CDH4: variants seen among roughly 807,000 people sequenced by gnomAD.
CDH4 encodes the protein cadherin-4.
CDH4 carries 33 observed loss-of-function variants against 86.0 expected under a neutral mutation model. That is an observed-to-expected ratio of 0.38 (90% CI 0.29 to 0.51). The LOEUF (loss-of-function observed/expected upper bound fraction) is 0.51, where lower values mean the gene tolerates loss of function less well. Ranked by LOEUF, CDH4 falls within the 20% of genes least tolerant of loss-of-function variation. CDH4 has a pLI of 0.86. For missense variants in CDH4, 1,114 were observed against 1,307.4 expected (o/e 0.85, Z 2.28); for synonymous variants, 555 against 549.4 (o/e 1.01, Z -0.14).
chr20:61,844,640 C>A (rs771244122), intron 4 of CDH4, 28 bp from the exon 5 acceptor site: 1 of 1,594,840 alleles, frequency 6.3e-7, no homozygotes, highest in African/African-American at 1.3e-5. Flanking sequence ...ACAGGATAAC[C>A]TCTTCTCGCT....
At chr20:61,934,587 G>A (rs184400935) in intron 15 of CDH4, among the ~76,000 whole-genome samples, 12 of 152,348 alleles carry the variant, frequency 7.9e-5, no homozygotes, top group African/African-American at 2.6e-4. Flanking sequence ...CGCACTTGGT[G>A]CTATGAGCCC....
At chr20:61,332,557 G>A (rs1480708710) in intron 2 of CDH4, among the ~76,000 whole-genome samples, 1 of 152,194 alleles carries the variant, frequency 6.6e-6, no homozygotes, top group African/African-American at 2.4e-5. Context: ...TGCCTTTCCT[G>A]CCCCACCCTG....
chr20:61,807,306 C>T lies in CDH4; in HGVS notation c.576+34124C>T, dbSNP rs557745166. On this transcript the variant is annotated intron_variant, in intron 4 of 15. Transcript: ENST00000614565. The surrounding 1 kb of genome is among the most constrained non-coding windows in gnomAD (Gnocchi z 4.5). ...TATTCAGAACCACCAGGGCCAGACC[C>T]AGCCTTGCTGTGGCCCCGCTGGGGT... Among the ~76,000 whole-genome samples the T allele has an allele frequency of 6.6e-6, 1 of 152,360 alleles. No individual in the cohort carries two copies. The highest frequency in any genetic ancestry group is 1.5e-5 in the Non-Finnish European group (1 of 68,036).
intron 7 of CDH4, among the ~76,000 whole-genome samples, chr20:61,892,860 G>A (rs1984881396): frequency 6.6e-6 from 1 of 152,076 alleles, no homozygotes; most frequent in Non-Finnish European, 1.5e-5. Context: ...TGGTCTTAGA[G>A]GGAAGGAGGA....
At chr20:61,283,815 A>C (rs1192132344) in intron 2 of CDH4, among the ~76,000 whole-genome samples, 1 of 152,236 alleles carries the variant, frequency 6.6e-6, no homozygotes, top group African/African-American at 2.4e-5. Flanking sequence ...CCACACATCT[A>C]AACGATGTTT....
chr20:61,415,153 C>T (rs770304281), intron 2 of CDH4, among the ~76,000 whole-genome samples: 1 of 152,174 alleles, frequency 6.6e-6, no homozygotes, highest in African/African-American at 2.4e-5. Context: ...CTAGTGGCAT[C>T]GGCATTACTT....
intron 2 of CDH4, among the ~76,000 whole-genome samples, chr20:61,651,826 C>T (rs942664449): frequency 4.6e-5 from 7 of 152,144 alleles, no homozygotes; most frequent in Non-Finnish European, 8.8e-5. Flanking sequence ...AATGGCATTC[C>T]GATTTTCAGT....
intron 2 of CDH4, among the ~76,000 whole-genome samples, chr20:61,688,418 T>C (rs2087612989): frequency 6.6e-6 from 1 of 152,060 alleles, no homozygotes. Context: ...TAAGCACTTC[T>C]GGAATAGCTG....
intron 6 of CDH4, among the ~76,000 whole-genome samples, chr20:61,853,719 C>A (rs1483413789): frequency 6.6e-6 from 1 of 152,318 alleles, no homozygotes; most frequent in Non-Finnish European, 1.5e-5. Flanking sequence ...GCACAGCCCC[C>A]ACCTGCTCAT....
chr20:61,802,582 A>G (rs1227370308), intron 4 of CDH4, among the ~76,000 whole-genome samples: 1 of 152,178 alleles, frequency 6.6e-6, no homozygotes, highest in Non-Finnish European at 1.5e-5. Context: ...GTTGGGAGCA[A>G]TTTCCAAACG....
At chr20:61,538,705 C>T (rs2086016782) in intron 2 of CDH4, among the ~76,000 whole-genome samples, 1 of 152,230 alleles carries the variant, frequency 6.6e-6, no homozygotes, top group African/African-American at 2.4e-5. Flanking sequence ...GGGACACTTG[C>T]TCCCACTATT....
At chr20:61,611,520 C>G (rs1296016112) in intron 2 of CDH4, among the ~76,000 whole-genome samples, 1 of 152,062 alleles carries the variant, frequency 6.6e-6, no homozygotes, top group African/African-American at 2.4e-5. Context: ...AAGGCTCCCT[C>G]TGGCTTCCTG....
chr20:61,885,304 T>G (rs1192949990), intron 7 of CDH4, among the ~76,000 whole-genome samples: 1 of 152,148 alleles, frequency 6.6e-6, no homozygotes, highest in African/African-American at 2.4e-5. Flanking sequence ...CTCGACTCCC[T>G]TACCCCCAGC....
At chr20:61,319,487 A>G (rs888106082) in intron 2 of CDH4, among the ~76,000 whole-genome samples, 5 of 152,170 alleles carry the variant, frequency 3.3e-5, no homozygotes, top group South Asian at 2.1e-4. Flanking sequence ...TAATGCTGCA[A>G]TGAGCACGGG....
rs2084445979 is a variant in CDH4, at chr20:61,311,603, T to A, written c.169+56666T>A. Among the ~76,000 whole-genome samples, 8 of 152,240 alleles carry A rather than the reference T, an allele frequency of 5.3e-5. No individual in the cohort carries two copies. In the South Asian group the frequency reaches 1.7e-3, roughly 32 times the overall value. ...GAAAACTGTCTTACCACTTTGGTGT[T>A]ACCAATTAAGCAAAGTTTGTGTTTG... On this transcript the variant is annotated intron_variant, in intron 2 of 15. Coordinates refer to ENST00000614565, the MANE Select transcript of CDH4 (RefSeq NM_001794.5).
At chr20:61,288,483 G>A (rs1352832921) in intron 2 of CDH4, among the ~76,000 whole-genome samples, 1 of 152,216 alleles carries the variant, frequency 6.6e-6, no homozygotes, top group Admixed American at 6.5e-5. Flanking sequence ...TGCTCATTCA[G>A]GGCATGGCCC....
intron 2 of CDH4, among the ~76,000 whole-genome samples, chr20:61,512,317 C>T (rs995787276): frequency 1.9e-4 from 29 of 152,096 alleles, no homozygotes; most frequent in Admixed American, 2.0e-4. Context: ...GAAAAGACCT[C>T]GAGAGTTCTT....
At chr20:61,253,491 G>C (rs2123108562) in intron 1 of CDH4, among the ~76,000 whole-genome samples, 1 of 152,222 alleles carries the variant, frequency 6.6e-6, no homozygotes, top group South Asian at 2.1e-4. Flanking sequence ...CTCCCGGGCA[G>C]CGCTGTTGTA....
At chr20:61,814,329 G>A (rs1305326689) in intron 4 of CDH4, among the ~76,000 whole-genome samples, 1 of 152,194 alleles carries the variant, frequency 6.6e-6, no homozygotes, top group Non-Finnish European at 1.5e-5. Flanking sequence ...GGGCAGGATT[G>A]GAACCCAGGC....
Sources: allele counts gnomAD v4.1 joint callset (sites outside exome capture counted in the v4.1 genomes callset), GRCh38; gene constraint gnomAD v4.1.1; non-coding constraint Gnocchi (gnomAD v3.1); transcripts MANE v1.5; gene names NCBI Gene and HGNC (gene_info 2026-07-23, HGNC 2026-07-21).